The following CAST variants were observed in gnomAD, a reference collection of about 807,000 sequenced individuals.
The protein encoded by CAST is calpastatin.
A neutral mutation model predicts 119.6 loss-of-function variants in CAST; 76 were observed. The ratio of observed to expected loss-of-function variants is 0.64; its 90% CI spans 0.53 to 0.77. The LOEUF (loss-of-function observed/expected upper bound fraction) is 0.77, where lower values mean the gene tolerates loss of function less well. Among genes scored for constraint, CAST ranks in the 30% least tolerant of loss-of-function variants. The pLI is 0.00. For missense variants in CAST, 953 were observed against 946.5 expected (o/e 1.01, Z -0.09); for synonymous variants, 319 against 331.6 (o/e 0.96, Z 0.41).
the CAST span, among the ~76,000 whole-genome samples, chr5:96,470,205 A>ACG: frequency 0.072 from 10,893 of 151,592 alleles, 855 homozygotes; most frequent in East Asian, 0.41. Context: ...ACACACACAC[A>ACG]CACACGCACA....
At chr5:96,482,662 G>A in the CAST span, among the ~76,000 whole-genome samples, 1 of 152,068 alleles carries the variant, frequency 6.6e-6, no homozygotes, top group Non-Finnish European at 1.5e-5. Flanking sequence ...TCTGGTGATT[G>A]TCATGTTCCT....
intron 1 of CAST, among the ~76,000 whole-genome samples, chr5:96,535,929 A>C (rs1479132178): frequency 6.6e-6 from 1 of 151,836 alleles, no homozygotes; most frequent in African/African-American, 2.4e-5. Context: ...TTTATTTGTT[A>C]AAACCGACAA....
the CAST span, among the ~76,000 whole-genome samples, chr5:95,999,360 A>T: frequency 2.6e-5 from 4 of 152,030 alleles, no homozygotes; most frequent in South Asian, 2.1e-4. Flanking sequence ...CCATATATAT[A>T]TTTTTAAGAG....
chr5:96,722,577 A>AG (rs1758480479), intron 3 of CAST, 62 bp from the exon 4 acceptor site: 1 of 1,258,850 alleles, frequency 7.9e-7, no homozygotes, highest in African/African-American at 1.5e-5. Flanking sequence ...GAGGAGCTGA[A>AG]GGACCATGTA....
At chr5:96,737,722 G>T in intron 10 of CAST, 127 bp from the exon 11 acceptor site, 1 of 569,582 alleles carries the variant, frequency 1.8e-6, no homozygotes, top group Non-Finnish European at 3.1e-6. Flanking sequence ...TAACTATTTT[G>T]GGGAACTATT....
chr5:96,518,652 T>C, the CAST span, among the ~76,000 whole-genome samples: 3 of 152,128 alleles, frequency 2.0e-5, no homozygotes, highest in Admixed American at 1.3e-4. Context: ...CAGGCTTTGT[T>C]TGGGGCCAAC....
At chr5:96,434,719 A>G in the CAST span, among the ~76,000 whole-genome samples, 376 of 152,286 alleles carry the variant, frequency 2.5e-3, 1 homozygote, top group Middle Eastern at 0.01. Flanking sequence ...AAGCATATAA[A>G]CAAGTGGAGA....
the CAST span, among the ~76,000 whole-genome samples, chr5:96,422,980 G>A: frequency 0.01 from 1,541 of 151,684 alleles, 28 homozygotes; most frequent in African/African-American, 0.035. Context: ...ATGATCTCAG[G>A]CAAGGGGCTT....
At chr5:96,769,152 C>A (rs1268130049) in intron 29 of CAST, 1 of 152,180 alleles carries the variant, frequency 6.6e-6, no homozygotes, top group Non-Finnish European at 1.5e-5. Context: ...CTGCAGATCT[C>A]AGTTTGCTAT....
chr5:96,578,563 CTT>C (rs1746716631), intron 1 of CAST, among the ~76,000 whole-genome samples: 1 of 152,006 alleles, frequency 6.6e-6, no homozygotes, highest in Admixed American at 6.5e-5. Context: ...AAAATTTAGT[CTT>C]GACATATTTA....
At chr5:96,028,208 T>C in the CAST span, among the ~76,000 whole-genome samples, 1 of 151,950 alleles carries the variant, frequency 6.6e-6, no homozygotes, top group Non-Finnish European at 1.5e-5. Context: ...CACAAAAAAT[T>C]ACAGATATAA....
At chr5:96,222,055 T>C in the CAST span, among the ~76,000 whole-genome samples, 4 of 152,084 alleles carry the variant, frequency 2.6e-5, no homozygotes, top group Non-Finnish European at 5.9e-5. Flanking sequence ...TAGATATCCA[T>C]ATGCAGAATA....
the CAST span, chr5:96,423,542 C>T: frequency 7.9e-7 from 1 of 1,260,252 alleles, no homozygotes; most frequent in Non-Finnish European, 1.2e-6. Flanking sequence ...ACCTGGAGAC[C>T]CATCTTTCTT....
At chr5:96,641,455 C>A (rs1747948770) in intron 1 of CAST, among the ~76,000 whole-genome samples, 2 of 149,194 alleles carry the variant, frequency 1.3e-5, no homozygotes, top group South Asian at 4.3e-4. Flanking sequence ...ATGAAAAAAA[C>A]TCCACTCTTG....
the CAST span, among the ~76,000 whole-genome samples, chr5:96,371,906 T>C: frequency 1.3e-5 from 2 of 152,220 alleles, no homozygotes; most frequent in African/African-American, 4.8e-5. Context: ...ACTAAGGCAG[T>C]ATACCAGGCT....
At chr5:96,689,571 A>G (rs1232416807) in intron 2 of CAST, among the ~76,000 whole-genome samples, 1 of 152,216 alleles carries the variant, frequency 6.6e-6, no homozygotes, top group Non-Finnish European at 1.5e-5. Flanking sequence ...TACACATGCA[A>G]ATACATGTGT....
At chr5:96,399,172 T>C in the CAST span, 12 of 673,950 alleles carry the variant, frequency 1.8e-5, no homozygotes, top group Non-Finnish European at 2.4e-5. Flanking sequence ...TAGAACCTAA[T>C]TCAGAATTAT....
At chr5:96,268,215 A>T in the CAST span, among the ~76,000 whole-genome samples, 1 of 152,170 alleles carries the variant, frequency 6.6e-6, no homozygotes, top group African/African-American at 2.4e-5. Context: ...AACAAAATGG[A>T]AGTAGTAAGT....
At chr5:96,398,850 A>G in the CAST span, 1 of 1,580,310 alleles carries the variant, frequency 6.3e-7, no homozygotes, top group Non-Finnish European at 8.7e-7. Context: ...ACTTAAAAAT[A>G]TAAATGGCTT....
Sources: allele counts gnomAD v4.1 joint callset (sites outside exome capture counted in the v4.1 genomes callset), GRCh38; gene constraint gnomAD v4.1.1; transcripts MANE v1.5; gene names NCBI Gene and HGNC (gene_info 2026-07-23, HGNC 2026-07-21).